Variants in GAS7 observed in about 807,000 individuals in gnomAD.
The protein encoded by GAS7 is growth arrest-specific protein 7.
GAS7 carries 28 observed loss-of-function variants against 71.1 expected under a neutral mutation model. The ratio of observed to expected loss-of-function variants is 0.39; its 90% CI spans 0.29 to 0.54. The LOEUF (loss-of-function observed/expected upper bound fraction) is 0.54, where lower values mean the gene tolerates loss of function less well. Ranked by LOEUF, GAS7 falls within the 20% of genes least tolerant of loss-of-function variation. The pLI, the probability that GAS7 is intolerant of heterozygous loss-of-function variation, is 0.62. For synonymous variants in GAS7, 258 were observed against 245.8 expected (o/e 1.05, Z -0.46); for missense variants, 436 against 627.8 (o/e 0.69, Z 3.27).
chr17:10,035,319 G>A (rs754458327), intron 1 of GAS7, among the ~76,000 whole-genome samples: 3 of 152,238 alleles, frequency 2.0e-5, no homozygotes, highest in Middle Eastern at 3.4e-3. Flanking sequence ...GCCCCCGCAC[G>A]GGCAGCATGA....
At chr17:9,928,420 C>A (rs2068093101) in intron 9 of GAS7, among the ~76,000 whole-genome samples, 1 of 152,090 alleles carries the variant, frequency 6.6e-6, no homozygotes. Flanking sequence ...CCGTGCCCAG[C>A]CCATAACATT....
rs540411697 is a variant in GAS7, at chr17:10,034,289, T to C, written c.184-14392A>G. The C allele has an allele frequency of 5.1e-5, 43 of 838,428 alleles. No homozygotes were observed. In the South Asian group the frequency reaches 2.1e-3, roughly 40 times the overall value. The allele number at this position is 838,428 out of a possible 1,614,324, so 51.9% of individuals were successfully genotyped here. On this transcript the variant is annotated intron_variant, in intron 1 of 13. Coordinates refer to ENST00000432992, the MANE Select transcript of GAS7 (RefSeq NM_201433.2). This position sits in a 1 kb window ranked among gnomAD's most constrained non-coding sequence, Gnocchi z 4.4. ...GTCTCCAAGGGCTTTCATATATACA[T>C]ATATATAGCCTAATACTTAATAATT...
intron 1 of GAS7, among the ~76,000 whole-genome samples, chr17:10,087,338 C>T (rs562032882): frequency 1.3e-5 from 2 of 152,364 alleles, no homozygotes; most frequent in South Asian, 4.1e-4. Flanking sequence ...TCATGATCAA[C>T]ACCAACTCAG....
intron 1 of GAS7, among the ~76,000 whole-genome samples, chr17:10,038,977 G>A (rs1170065738): frequency 6.6e-6 from 1 of 152,072 alleles, no homozygotes; most frequent in African/African-American, 2.4e-5. Flanking sequence ...ACTTCTATGA[G>A]GCACCTAGAG....
intron 1 of GAS7, among the ~76,000 whole-genome samples, chr17:10,162,199 G>A (rs73279948): frequency 0.26 from 38,798 of 151,352 alleles, 5,682 homozygotes; most frequent in East Asian, 0.49. Context: ...GCAGTGACTT[G>A]GCTTGGGATT....
chr17:10,004,958 T>C (rs1166875770), intron 2 of GAS7, among the ~76,000 whole-genome samples: 3 of 152,148 alleles, frequency 2.0e-5, no homozygotes, highest in East Asian at 3.9e-4. Context: ...TGCAGTGAGC[T>C]GAGATCGCGC....
At chr17:10,164,336 G>A (rs1000753990) in intron 1 of GAS7, among the ~76,000 whole-genome samples, 13 of 151,850 alleles carry the variant, frequency 8.6e-5, no homozygotes, top group African/African-American at 3.1e-4. Flanking sequence ...CAGCTACTCA[G>A]GAGGCTGAGG....
At chr17:10,088,195 G>A (rs911457118) in intron 1 of GAS7, among the ~76,000 whole-genome samples, 15 of 149,114 alleles carry the variant, frequency 1.0e-4, no homozygotes, top group Non-Finnish European at 1.3e-4. Flanking sequence ...CACTCCAGCC[G>A]GGGCAACAGA....
intron 1 of GAS7, among the ~76,000 whole-genome samples, chr17:10,148,912 A>AAAT (rs2074142956): frequency 8.2e-6 from 1 of 122,172 alleles, no homozygotes; most frequent in Non-Finnish European, 1.9e-5. Context: ...TCCGCCTCAA[A>AAAT]AAAAAAAAAA....
At position 10,038,761 on chromosome 17, in the gene GAS7, G is replaced by A. The variant is rs557695714; in HGVS notation, c.184-18864C>T. Among the ~76,000 whole-genome samples, 14 of 147,644 alleles carry A rather than the reference G, an allele frequency of 9.5e-5. No individual in the cohort carries two copies. In the East Asian group the frequency reaches 1.6e-3, roughly 17 times the overall value. On this transcript the variant is annotated intron_variant, in intron 1 of 13. Coordinates refer to ENST00000432992, the MANE Select transcript of GAS7 (RefSeq NM_201433.2). ...GTCACCCAAGCTGGAGTGCAGTGGC[G>A]CAATCTCGGCTCACTGCAAGCTCCG...
At chr17:10,153,682 C>T (rs1287937841) in intron 1 of GAS7, among the ~76,000 whole-genome samples, 1 of 151,984 alleles carries the variant, frequency 6.6e-6, no homozygotes, top group African/African-American at 2.4e-5. Flanking sequence ...TTTACTTTTC[C>T]TATTTTATGA....
intron 1 of GAS7, among the ~76,000 whole-genome samples, chr17:10,077,430 G>C (rs1026156254): frequency 6.6e-6 from 1 of 152,216 alleles, no homozygotes; most frequent in African/African-American, 2.4e-5. Context: ...ACTTAGCATA[G>C]ATGAGTGAAC....
intron 1 of GAS7, among the ~76,000 whole-genome samples, chr17:10,089,528 A>C (rs2073558495): frequency 6.6e-6 from 1 of 152,186 alleles, no homozygotes; most frequent in Non-Finnish European, 1.5e-5. Context: ...TAAAAAAAAA[A>C]AAAAAGTATT....
intron 8 of GAS7, among the ~76,000 whole-genome samples, chr17:9,939,855 G>A (rs1025951247): frequency 1.3e-5 from 2 of 152,084 alleles, no homozygotes; most frequent in East Asian, 1.9e-4. Context: ...TGATCCACCC[G>A]CCTCGGCCTC....
At chr17:10,146,917 T>C (rs1597819154) in intron 1 of GAS7, among the ~76,000 whole-genome samples, 2 of 147,870 alleles carry the variant, frequency 1.4e-5, no homozygotes, top group Non-Finnish European at 3.0e-5. Context: ...GGAGGCGGAG[T>C]TTGTAGTGAG....
Position 9,912,742 on chromosome 17 carries a change from A to G in GAS7, c.*4486T>C, listed in dbSNP as rs73974331. 9,606 of 232,450 alleles carry G rather than the reference A, an allele frequency of 0.041. 341 individuals are homozygous for G. Among genetic ancestry groups the G allele is most frequent in the African/African-American group, 0.12 (5,228 of 45,382 alleles). 14.4% of individuals were successfully genotyped at this position (232,450 alleles called of 1,614,324 possible). On this transcript the variant is annotated 3_prime_UTR_variant, in exon 14 of 14. Coordinates refer to ENST00000432992, the MANE Select transcript of GAS7 (RefSeq NM_201433.2). ...GGCATTTGGAGGAGGAGCCTGGGGA[A>G]CTGAAGGAAGCAGCAAGCTGGAAGT...
chr17:10,170,511 C>T (rs2074328323), intron 1 of GAS7, among the ~76,000 whole-genome samples: 1 of 152,236 alleles, frequency 6.6e-6, no homozygotes. Flanking sequence ...CACGTGCTTA[C>T]TCCATCGTAT....
chr17:10,038,187 G>A (rs894160865), intron 1 of GAS7, among the ~76,000 whole-genome samples: 11 of 152,116 alleles, frequency 7.2e-5, no homozygotes, highest in Middle Eastern at 3.4e-3. Context: ...GTGATACCCC[G>A]TCTCTACTAA....
chr17:10,111,159 G>A (rs1346916738), intron 1 of GAS7, among the ~76,000 whole-genome samples: 1 of 152,144 alleles, frequency 6.6e-6, no homozygotes, highest in African/African-American at 2.4e-5. Context: ...CTAGCAGTTT[G>A]GGAGGCTGAG....
Sources: gnomAD v4.1 joint callset for allele counts (sites outside exome capture counted in the v4.1 genomes callset) on GRCh38, gnomAD v4.1.1 for gene constraint, Gnocchi (gnomAD v3.1) non-coding constraint, MANE v1.5 for transcripts, NCBI Gene and HGNC (gene_info 2026-07-23, HGNC 2026-07-21) for gene names.